The following EPHA6 variants were observed in gnomAD, a reference collection of about 807,000 sequenced individuals.
The protein encoded by EPHA6 is ephrin type-A receptor 6.
A neutral mutation model predicts 112.0 loss-of-function variants in EPHA6; 50 were observed. That is an observed-to-expected ratio of 0.45 (90% CI 0.36 to 0.56). The LOEUF (loss-of-function observed/expected upper bound fraction) is 0.56. EPHA6 is among the 20% of genes least tolerant of loss of function. The probability of loss-of-function intolerance (pLI) is 0.00; values close to 1 mark genes in which losing one functional copy is unlikely to be tolerated. For missense variants in EPHA6, 1,280 were observed against 1,417.4 expected, an observed-to-expected ratio of 0.90 and a Z score of 1.56; for synonymous variants, 529 against 490.7, an observed-to-expected ratio of 1.08 and a Z score of -1.03.
intron 11 of EPHA6, among the ~76,000 whole-genome samples, chr3:97,552,052 C>A (rs574225487): frequency 6.6e-6 from 1 of 152,214 alleles, no homozygotes; most frequent in East Asian, 1.9e-4. Context: ...CAAAAGCTTT[C>A]CTCATGTTAA....
intron 3 of EPHA6, among the ~76,000 whole-genome samples, chr3:97,027,360 A>T (rs551020339): frequency 6.6e-6 from 1 of 152,234 alleles, no homozygotes; most frequent in East Asian, 1.9e-4. Flanking sequence ...TACCTCGGTG[A>T]TGAAATAATC....
chr3:97,210,442 C>T (rs904919462), intron 3 of EPHA6, among the ~76,000 whole-genome samples: 2 of 152,158 alleles, frequency 1.3e-5, no homozygotes, highest in Non-Finnish European at 2.9e-5. Flanking sequence ...TATCACCTCC[C>T]ACCAGGCCCC....
chr3:97,596,865 ATATC>A (rs2093596514), intron 12 of EPHA6, among the ~76,000 whole-genome samples: 1 of 80,570 alleles, frequency 1.2e-5, no homozygotes, highest in African/African-American at 5.3e-5. Flanking sequence ...AATTCCATAT[ATATC>A]TATGGAATAT....
intron 11 of EPHA6, among the ~76,000 whole-genome samples, chr3:97,563,608 G>A (rs550988065): frequency 9.9e-4 from 151 of 152,260 alleles, no homozygotes; most frequent in Admixed American, 1.8e-3. Context: ...TTAATCTTAG[G>A]AGTGCAAGAG....
intron 5 of EPHA6, among the ~76,000 whole-genome samples, chr3:97,260,140 C>T (rs1448045971): frequency 6.6e-6 from 1 of 152,106 alleles, no homozygotes; most frequent in African/African-American, 2.4e-5. Flanking sequence ...TTATAAGATA[C>T]AAATTGTAAA....
At chr3:97,148,461 C>A (rs541241385) in intron 3 of EPHA6, among the ~76,000 whole-genome samples, 1 of 151,754 alleles carries the variant, frequency 6.6e-6, no homozygotes, top group South Asian at 2.1e-4. Context: ...AGAGTGAGAC[C>A]TTGTCTTGAA....
chr3:97,495,144 G>A (rs1193889877), intron 10 of EPHA6, among the ~76,000 whole-genome samples: 1 of 151,954 alleles, frequency 6.6e-6, no homozygotes, highest in South Asian at 2.1e-4. Flanking sequence ...TATCCCCAGC[G>A]GTCTTTCTCA....
chr3:96,932,153 C>A (rs2107659250), intron 2 of EPHA6, among the ~76,000 whole-genome samples: 1 of 152,282 alleles, frequency 6.6e-6, no homozygotes, highest in African/African-American at 2.4e-5. Flanking sequence ...CTCTACCCTG[C>A]TTTTCTTCAT....
At chr3:97,622,905 A>G (rs1386617206) in intron 13 of EPHA6, among the ~76,000 whole-genome samples, 1 of 151,690 alleles carries the variant, frequency 6.6e-6, no homozygotes, top group Non-Finnish European at 1.5e-5. Context: ...TATCTACTTT[A>G]TAAAAGTATC....
At chr3:97,126,509 C>T (rs2108315558) in intron 3 of EPHA6, among the ~76,000 whole-genome samples, 1 of 152,222 alleles carries the variant, frequency 6.6e-6, no homozygotes, top group Non-Finnish European at 1.5e-5. Flanking sequence ...AAACTACTTC[C>T]AAATAATTAC....
At chr3:97,055,863 C>T (rs1240922045) in intron 3 of EPHA6, among the ~76,000 whole-genome samples, 2 of 152,062 alleles carry the variant, frequency 1.3e-5, no homozygotes, top group African/African-American at 2.4e-5. Flanking sequence ...AAAGGGCAAG[C>T]ATAGGCACTT....
intron 6 of EPHA6, among the ~76,000 whole-genome samples, chr3:97,443,764 A>G (rs1027223633): frequency 2.6e-5 from 4 of 152,200 alleles, no homozygotes; most frequent in African/African-American, 9.6e-5. Flanking sequence ...CTAGTTGTTC[A>G]TATAAACATA....
chr3:97,466,070 T>A (rs2107414494), intron 7 of EPHA6, among the ~76,000 whole-genome samples: 1 of 152,028 alleles, frequency 6.6e-6, no homozygotes, highest in South Asian at 2.1e-4. Flanking sequence ...CCCCCAAAAC[T>A]ATCCATCTAT....
At chr3:97,164,973 A>G (rs1476015499) in intron 3 of EPHA6, among the ~76,000 whole-genome samples, 4 of 152,024 alleles carry the variant, frequency 2.6e-5, no homozygotes, top group Non-Finnish European at 5.9e-5. Context: ...AATAATCTTT[A>G]TTTCTCACCA....
intron 5 of EPHA6, among the ~76,000 whole-genome samples, chr3:97,281,478 C>G (rs1003625392): frequency 6.6e-6 from 1 of 151,856 alleles, no homozygotes; most frequent in Non-Finnish European, 1.5e-5. Flanking sequence ...GAGCACAAAC[C>G]CTCAGTCTCC....
intron 2 of EPHA6, among the ~76,000 whole-genome samples, chr3:96,940,737 C>T (rs545792585): frequency 1.9e-4 from 29 of 151,608 alleles, no homozygotes; most frequent in South Asian, 8.3e-4. Context: ...TGGCTGGTAC[C>T]GGTTGTTCCT....
chr3:97,287,370 C>T (rs2080506459), intron 5 of EPHA6, among the ~76,000 whole-genome samples: 1 of 151,954 alleles, frequency 6.6e-6, no homozygotes, highest in Admixed American at 6.6e-5. Context: ...AAAAAAAACT[C>T]TTAACAATGG....
intron 10 of EPHA6, among the ~76,000 whole-genome samples, chr3:97,490,473 T>C (rs1327807019): frequency 6.6e-6 from 1 of 152,212 alleles, no homozygotes; most frequent in Non-Finnish European, 1.5e-5. Flanking sequence ...GTTTATAACT[T>C]ACAAAGAAGT....
At chr3:97,334,279 T>A (rs2082947112) in intron 5 of EPHA6, among the ~76,000 whole-genome samples, 1 of 151,972 alleles carries the variant, frequency 6.6e-6, no homozygotes, top group Non-Finnish European at 1.5e-5. Flanking sequence ...TAATTTTGTA[T>A]TAGGGTAATG....
Sources: allele counts gnomAD v4.1 joint callset (sites outside exome capture counted in the v4.1 genomes callset), GRCh38; gene constraint gnomAD v4.1.1; transcripts MANE v1.5; gene names NCBI Gene and HGNC (gene_info 2026-07-23, HGNC 2026-07-21).